The following ZNF385D variants were observed in gnomAD, a reference collection of about 807,000 sequenced individuals.
ZNF385D encodes zinc finger protein 385D.
In ZNF385D, 15 loss-of-function variants were observed where a neutral mutation model predicts 35.8. The ratio of observed to expected loss-of-function variants is 0.42; its 90% confidence interval spans 0.28 to 0.64. ZNF385D has a LOEUF of 0.64. Among genes scored for constraint, ZNF385D ranks in the 30% least tolerant of loss-of-function variants. The pLI is 0.23. For synonymous variants in ZNF385D, 212 were observed against 186.8 expected (o/e 1.13, Z -1.10); for missense variants, 474 against 494.6 (o/e 0.96, Z 0.39).
chr3:21,900,893 A>G (rs1699374397), intron 3 of ZNF385D, among the ~76,000 whole-genome samples: 1 of 152,150 alleles, frequency 6.6e-6, no homozygotes, highest in African/African-American at 2.4e-5. Context: ...TTTAGTTCAT[A>G]CAATAGCCCT....
intron 2 of ZNF385D, among the ~76,000 whole-genome samples, chr3:21,648,425 T>C (rs992742967): frequency 6.6e-6 from 1 of 152,138 alleles, no homozygotes; most frequent in Non-Finnish European, 1.5e-5. Flanking sequence ...TATTTCTTTA[T>C]ACCATGTAAA....
intron 3 of ZNF385D, among the ~76,000 whole-genome samples, chr3:21,543,773 T>C (rs162415): frequency 0.24 from 35,897 of 152,084 alleles, 4,573 homozygotes; most frequent in African/African-American, 0.32. Context: ...TGTATTAAGG[T>C]AGGCCCCCCA....
chr3:21,879,149 GA>G (rs2125860245), intron 3 of ZNF385D, among the ~76,000 whole-genome samples: 1 of 152,114 alleles, frequency 6.6e-6, no homozygotes, highest in East Asian at 1.9e-4. Flanking sequence ...CAAATGATAT[GA>G]AAATTTACCT....
chr3:22,030,299 A>ATATCTATC lies in ZNF385D; in HGVS notation c.325+138517_325+138518insGATAGATA, dbSNP rs1559316685. Among the ~76,000 whole-genome samples, 40 of 114,710 alleles carry ATATCTATC rather than the reference A, an allele frequency of 3.5e-4. No individual in the cohort carries two copies. The Admixed American group carries it at 3.6e-3, about 10-fold the overall frequency. The allele number at this position is 114,710 out of a possible 152,430, so 75.3% of individuals were successfully genotyped here. ...TATATATATATATATATATATATAT[A>ATATCTATC]TATCCTATTTGGTCCATCCCTCGAA... On this transcript the variant is annotated intron_variant, in intron 3 of 5. Transcript: ENST00000494108.
intron 3 of ZNF385D, among the ~76,000 whole-genome samples, chr3:21,775,517 T>G (rs1297801182): frequency 1.3e-5 from 2 of 151,938 alleles, no homozygotes; most frequent in African/African-American, 2.4e-5. Context: ...TGAACCTATT[T>G]ACAGCTCTGA....
In ZNF385D at chr3:21,445,564, T is replaced by A. The variant is rs578176983; in HGVS notation, c.440-8361A>T. On this transcript the variant is annotated intron_variant, in intron 4 of 7. Transcript: ENST00000281523. ...ATATCAAAGCATTGTCCTTAGTTGA[T>A]AACAATCACCTCAGCAATCTATATC... 5.3e-5 allele frequency among the ~76,000 whole-genome samples: 8 copies of A among 152,342 alleles called. No individual in the cohort carries two copies. The South Asian group carries it at 1.7e-3, about 32-fold the overall frequency.
intron 3 of ZNF385D, among the ~76,000 whole-genome samples, chr3:21,847,484 T>C (rs1055081038): frequency 6.6e-6 from 1 of 152,106 alleles, no homozygotes; most frequent in Non-Finnish European, 1.5e-5. Flanking sequence ...AATGATCCAA[T>C]TGTTTTATGC....
chr3:21,502,404 T>C (rs1706443269), intron 4 of ZNF385D, among the ~76,000 whole-genome samples: 1 of 152,196 alleles, frequency 6.6e-6, no homozygotes. Flanking sequence ...CTGAAAGTTT[T>C]CCCTCCCTGC....
At chr3:22,048,108 A>G (rs1196066510) in intron 3 of ZNF385D, among the ~76,000 whole-genome samples, 1 of 152,004 alleles carries the variant, frequency 6.6e-6, no homozygotes, top group Non-Finnish European at 1.5e-5. Flanking sequence ...TTACTATTGA[A>G]TTGAGTTCCA....
At chr3:21,616,997 A>C (rs2125803904) in intron 2 of ZNF385D, among the ~76,000 whole-genome samples, 1 of 152,290 alleles carries the variant, frequency 6.6e-6, no homozygotes, top group East Asian at 1.9e-4. Flanking sequence ...GTCTGCCTAA[A>C]TCACAAGAAC....
intron 3 of ZNF385D, among the ~76,000 whole-genome samples, chr3:22,101,549 C>G (rs1024846651): frequency 6.6e-6 from 1 of 152,088 alleles, no homozygotes; most frequent in Non-Finnish European, 1.5e-5. Flanking sequence ...TACACCCACA[C>G]TGAACCATTT....
At chr3:21,804,132 T>C (rs10513650) in intron 3 of ZNF385D, among the ~76,000 whole-genome samples, 8,688 of 152,304 alleles carry the variant, frequency 0.057, 582 homozygotes, top group East Asian at 0.3. Context: ...GTAAATTTCT[T>C]GTGCATATGT....
intron 3 of ZNF385D, among the ~76,000 whole-genome samples, chr3:21,827,386 G>T (rs558341925): frequency 1.3e-5 from 2 of 152,122 alleles, no homozygotes; most frequent in Admixed American, 1.3e-4. Flanking sequence ...CAGTTAAATA[G>T]ATTATTTTAA....
chr3:21,681,297 G>GAAAAAA (rs1559513520), intron 1 of ZNF385D, among the ~76,000 whole-genome samples: 1 of 2,022 alleles, frequency 4.9e-4, no homozygotes, highest in Non-Finnish European at 1.7e-3. Flanking sequence ...TATTCCATCA[G>GAAAAAA]TAAAAAAAAA....
At chr3:21,825,344 T>A (rs911121314) in intron 3 of ZNF385D, among the ~76,000 whole-genome samples, 1 of 152,232 alleles carries the variant, frequency 6.6e-6, no homozygotes, top group Admixed American at 6.5e-5. Flanking sequence ...GTCACTTGAA[T>A]ACACGGTATT....
chr3:21,516,487 T>A (rs963827609), intron 3 of ZNF385D, among the ~76,000 whole-genome samples: 1 of 152,156 alleles, frequency 6.6e-6, no homozygotes, highest in African/African-American at 2.4e-5. Context: ...ACCAGGAAGA[T>A]AAAGATGACT....
intron 4 of ZNF385D, among the ~76,000 whole-genome samples, chr3:21,438,923 G>A (rs563291041): frequency 2.9e-4 from 44 of 151,970 alleles, no homozygotes; most frequent in Non-Finnish European, 5.7e-4. Context: ...AAAATATGAA[G>A]TAACTGCCAA....
rs1701412636 is a variant in ZNF385D at position 22,093,036 on chromosome 3, C to T, written c.325+75781G>A. Among the ~76,000 whole-genome samples, 4 of 152,020 alleles carry T rather than the reference C, an allele frequency of 2.6e-5. No individual in the cohort carries two copies. The South Asian group carries it at 8.3e-4, about 32-fold the overall frequency. ...ATCCAGGAGCAGGAAGGTCATAGCT[C>T]CCACACCCTAAAGTGGGACAACGTA... On this transcript the variant is annotated intron_variant, in intron 3 of 5. Coordinates refer to the ZNF385D transcript ENST00000494108.
intron 2 of ZNF385D, among the ~76,000 whole-genome samples, chr3:22,328,721 C>G (rs1694789078): frequency 6.6e-6 from 1 of 150,784 alleles, no homozygotes; most frequent in African/African-American, 2.4e-5. Flanking sequence ...CAGATTGCAC[C>G]ACTGCACTCA....
Sources: gnomAD v4.1 joint callset for allele counts (sites outside exome capture counted in the v4.1 genomes callset) on GRCh38, gnomAD v4.1.1 for gene constraint, MANE v1.5 for transcripts, NCBI Gene and HGNC (gene_info 2026-07-23, HGNC 2026-07-21) for gene names.